The following TENM2 variants were observed in gnomAD, a reference collection of about 807,000 sequenced individuals.
TENM2 encodes teneurin transmembrane protein 2.
Under a neutral mutation model 245.2 loss-of-function variants are expected in TENM2, and 52 were observed. The observed-to-expected ratio is 0.21, with a 90% CI of 0.17 to 0.27. TENM2 has a LOEUF of 0.27. Among genes scored for constraint, TENM2 ranks in the 10% least tolerant of loss-of-function variants. The probability of loss-of-function intolerance (pLI) is 1.00; values close to 1 mark genes in which losing one functional copy is unlikely to be tolerated. For synonymous variants in TENM2, 1,363 were observed against 1,438.9 expected (o/e 0.95, Z 1.19); for missense variants, 3,046 against 3,666.8 (o/e 0.83, Z 4.37).
intron 2 of TENM2, among the ~76,000 whole-genome samples, chr5:167,862,824 C>T (rs775351162): frequency 2.0e-5 from 3 of 152,302 alleles, no homozygotes; most frequent in South Asian, 2.1e-4. Context: ...CATGGAATCT[C>T]GACCCAATTG....
intron 13 of TENM2, among the ~76,000 whole-genome samples, chr5:168,171,121 G>A (rs1758781976): frequency 6.6e-6 from 1 of 152,196 alleles, no homozygotes; most frequent in African/African-American, 2.4e-5. Context: ...TCAGTTCTCA[G>A]CTCAAATGCC....
downstream of TENM2, chr5:168,263,047 G>T: frequency 2.1e-6 from 1 of 481,870 alleles, no homozygotes; most frequent in East Asian, 3.1e-5. Flanking sequence ...ACAAACGAAT[G>T]AATGAACAGA....
chr5:167,691,212 T>C (rs1410625235), intron 2 of TENM2, among the ~76,000 whole-genome samples: 1 of 152,106 alleles, frequency 6.6e-6, no homozygotes, highest in Non-Finnish European at 1.5e-5. Flanking sequence ...CACTTGTGAT[T>C]TTCCTCCCTG....
At chr5:167,830,457 G>A (rs1583126083) in intron 2 of TENM2, among the ~76,000 whole-genome samples, 1 of 152,238 alleles carries the variant, frequency 6.6e-6, no homozygotes, top group Admixed American at 6.5e-5. Flanking sequence ...TATTGATTGA[G>A]CTATATTTAG....
intron 5 of TENM2, among the ~76,000 whole-genome samples, chr5:167,996,953 G>T (rs1054357700): frequency 9.2e-5 from 14 of 152,004 alleles, no homozygotes; most frequent in African/African-American, 3.1e-4. Context: ...TGGCCAGGCT[G>T]CTCTCAAACT....
At chr5:167,112,888 A>G in the TENM2 span, among the ~76,000 whole-genome samples, 2 of 152,336 alleles carry the variant, frequency 1.3e-5, no homozygotes, top group South Asian at 4.1e-4. Flanking sequence ...TAGATAGAAC[A>G]TCATGACAAT....
intron 1 of TENM2, among the ~76,000 whole-genome samples, chr5:167,364,340 A>G (rs2127276752): frequency 6.6e-6 from 1 of 152,290 alleles, no homozygotes; most frequent in South Asian, 2.1e-4. Context: ...CAAAATTTAA[A>G]TGAAAATTTT....
chr5:168,076,753 G>C (rs1791513310), intron 7 of TENM2, among the ~76,000 whole-genome samples: 1 of 152,202 alleles, frequency 6.6e-6, no homozygotes, highest in South Asian at 2.1e-4. Flanking sequence ...CCATGCTTCA[G>C]ATTTTTCTAT....
chr5:167,122,751 A>T, the TENM2 span, among the ~76,000 whole-genome samples: 1 of 152,172 alleles, frequency 6.6e-6, no homozygotes, highest in South Asian at 2.1e-4. Context: ...TCCCCAAATC[A>T]TTAAGATTTG....
the TENM2 span, among the ~76,000 whole-genome samples, chr5:166,979,288 G>GCGAGCAC: frequency 1.3e-5 from 2 of 151,984 alleles, no homozygotes; most frequent in Non-Finnish European, 2.9e-5. Flanking sequence ...CTGTGCAGAA[G>GCGAGCAC]CGAGCACCGT....
chr5:168,086,534 T>G (rs771704822), intron 7 of TENM2, among the ~76,000 whole-genome samples: 39 of 152,048 alleles, frequency 2.6e-4, no homozygotes, highest in Admixed American at 7.9e-4. Context: ...TGTGCTATCA[T>G]CCTCTGGGTG....
At chr5:168,092,606 T>C (rs1446868042) in intron 8 of TENM2, among the ~76,000 whole-genome samples, 2 of 152,094 alleles carry the variant, frequency 1.3e-5, no homozygotes, top group Non-Finnish European at 2.9e-5. Context: ...CAGAATTAGG[T>C]TAGGTACCAA....
chr5:168,218,092 C>T lies in TENM2; in HGVS notation c.4234-33C>T, dbSNP rs73385778. On this transcript the variant is annotated intron_variant, in intron 22 of 28. Transcript: ENST00000518659. This position sits in a 1 kb window ranked among gnomAD's most constrained non-coding sequence, Gnocchi z 5.2. The stretch of plus-strand genomic sequence containing the variant: ...GGTTAAACGTTGGACATATTAAAGG[C>T]TGTTCTTTAATCTGATACCACGTCA... 6.1e-3 allele frequency: 9,664 copies of T among 1,593,652 alleles called. 509 individuals are homozygous for T. The African/African-American group carries it at 0.11, about 19-fold the overall frequency.
chr5:168,224,197 T>C (rs58435769), intron 23 of TENM2, among the ~76,000 whole-genome samples: 6,327 of 152,274 alleles, frequency 0.042, 459 homozygotes, highest in African/African-American at 0.14. Context: ...AGGAGCCCTA[T>C]TGATTTAGCA....
intron 13 of TENM2, 141 bp downstream of exon 15, chr5:168,162,898 C>G (rs1193000366): frequency 1.9e-6 from 2 of 1,051,932 alleles, no homozygotes; most frequent in African/African-American, 3.2e-5. Context: ...GCAAATGCAG[C>G]AGAGAACAGG....
chr5:167,850,546 A>T (rs1450366242), intron 2 of TENM2, among the ~76,000 whole-genome samples: 2 of 152,238 alleles, frequency 1.3e-5, no homozygotes, highest in African/African-American at 4.8e-5. Flanking sequence ...CAAAATTTAA[A>T]ATGAGAAATT....
chr5:167,753,264 G>T (rs868552320), intron 2 of TENM2, among the ~76,000 whole-genome samples: 1 of 152,168 alleles, frequency 6.6e-6, no homozygotes, highest in African/African-American at 2.4e-5. Flanking sequence ...TTGGTCTGAA[G>T]GAGATTTAGG....
intron 3 of TENM2, among the ~76,000 whole-genome samples, chr5:167,885,935 G>A (rs1237062826): frequency 3.3e-5 from 5 of 152,106 alleles, no homozygotes; most frequent in African/African-American, 1.2e-4. Flanking sequence ...CACTCGCCTC[G>A]GCCTCCCAAA....
the TENM2 span, among the ~76,000 whole-genome samples, chr5:167,137,767 A>G: frequency 6.6e-6 from 1 of 152,296 alleles, no homozygotes; most frequent in South Asian, 2.1e-4. Flanking sequence ...TGGCTTGTTA[A>G]CTTTAATTGG....
Sources: allele counts gnomAD v4.1 joint callset (sites outside exome capture counted in the v4.1 genomes callset), GRCh38; gene constraint gnomAD v4.1.1; non-coding constraint Gnocchi (gnomAD v3.1); transcripts MANE v1.5; gene names NCBI Gene and HGNC (gene_info 2026-07-23, HGNC 2026-07-21).